Variants in TASP1 observed in about 807,000 individuals in gnomAD.
The protein encoded by TASP1 is taspase 1.
A neutral mutation model predicts 56.6 loss-of-function variants in TASP1; 16 were observed. That is an observed-to-expected ratio of 0.28 (90% CI 0.19 to 0.43). The LOEUF (loss-of-function observed/expected upper bound fraction) is 0.43. Ranked by LOEUF, TASP1 falls within the 20% of genes least tolerant of loss-of-function variation. TASP1 has a pLI of 1.00. For missense variants in TASP1, 393 were observed against 511.6 expected, an observed-to-expected ratio of 0.77 and a Z score of 2.24; for synonymous variants, 179 against 184.2, an observed-to-expected ratio of 0.97 and a Z score of 0.23.
the TASP1 span, among the ~76,000 whole-genome samples, chr20:13,278,246 C>T: frequency 5.3e-5 from 8 of 152,284 alleles, no homozygotes; most frequent in Non-Finnish European, 7.4e-5. Flanking sequence ...CTTCCAGCCC[C>T]GTGACAGACT....
chr20:13,409,888 T>G (rs1023651920), intron 13 of TASP1, among the ~76,000 whole-genome samples: 10 of 152,188 alleles, frequency 6.6e-5, no homozygotes, highest in Non-Finnish European at 1.5e-5. Flanking sequence ...TGTGGTTAAC[T>G]ATAGTCAACT....
chr20:13,583,939 C>T (rs761174520), intron 5 of TASP1, among the ~76,000 whole-genome samples: 3 of 152,028 alleles, frequency 2.0e-5, no homozygotes, highest in African/African-American at 4.8e-5. Context: ...ATTAGCCAGG[C>T]GTGGTGGCAC....
the TASP1 span, chr20:13,288,435 C>A: frequency 8.0e-7 from 1 of 1,242,348 alleles, no homozygotes; most frequent in Non-Finnish European, 1.1e-6. Flanking sequence ...GCAATCCCCT[C>A]CCACAGCGAG....
At chr20:13,324,521 T>C in the TASP1 span, among the ~76,000 whole-genome samples, 6 of 152,188 alleles carry the variant, frequency 3.9e-5, no homozygotes, top group Admixed American at 2.6e-4. Context: ...CAGGTCTTAA[T>C]TGTGATTAGA....
chr20:13,632,859 G>A (rs560905696), intron 1 of TASP1, among the ~76,000 whole-genome samples: 1 of 152,220 alleles, frequency 6.6e-6, no homozygotes, highest in African/African-American at 2.4e-5. Context: ...AGGGCAAATA[G>A]ACAAATCTCA....
At chr20:13,538,001 TC>T (rs1388741060) in intron 8 of TASP1, among the ~76,000 whole-genome samples, 1 of 150,222 alleles carries the variant, frequency 6.7e-6, no homozygotes, top group Non-Finnish European at 1.5e-5. Context: ...CATCTATCAG[TC>T]TTTTTTTTTT....
chr20:13,252,394 T>C, the TASP1 span, among the ~76,000 whole-genome samples: 2 of 152,198 alleles, frequency 1.3e-5, no homozygotes. Flanking sequence ...CTGAGATTTA[T>C]CCTTGCTGAT....
At chr20:13,354,262 GA>G in the TASP1 span, among the ~76,000 whole-genome samples, 8 of 152,108 alleles carry the variant, frequency 5.3e-5, no homozygotes, top group African/African-American at 1.9e-4. Context: ...GAGATGTAGA[GA>G]AAAGAAAGAG....
chr20:13,543,584 C>T (rs1483729248), intron 8 of TASP1, among the ~76,000 whole-genome samples: 2 of 152,050 alleles, frequency 1.3e-5, no homozygotes, highest in Non-Finnish European at 2.9e-5. Flanking sequence ...CTGGGTGACC[C>T]AGCGAGACTC....
the TASP1 span, among the ~76,000 whole-genome samples, chr20:13,283,538 A>G: frequency 7.2e-5 from 11 of 152,348 alleles, no homozygotes; most frequent in African/African-American, 2.6e-4. Context: ...ATTACAAAAT[A>G]CACAACAGAA....
the TASP1 span, among the ~76,000 whole-genome samples, chr20:13,207,598 G>A: frequency 6.6e-6 from 1 of 152,234 alleles, no homozygotes; most frequent in Non-Finnish European, 1.5e-5. Context: ...GTACGTCCCA[G>A]TTAAGGGTAG....
At chr20:13,228,670 A>G in the TASP1 span, among the ~76,000 whole-genome samples, 1 of 152,100 alleles carries the variant, frequency 6.6e-6, no homozygotes, top group African/African-American at 2.4e-5. Flanking sequence ...GGACCCTTTC[A>G]TTCTGAAGTC....
chr20:13,559,988 C>T (rs6079106), intron 7 of TASP1, among the ~76,000 whole-genome samples: 1 of 151,916 alleles, frequency 6.6e-6, no homozygotes, highest in Non-Finnish European at 1.5e-5. Flanking sequence ...CACGTTTATG[C>T]TCAGAGAAAG....
chr20:13,254,058 TA>T, the TASP1 span, among the ~76,000 whole-genome samples: 31,270 of 116,040 alleles, frequency 0.27, 3,971 homozygotes, highest in East Asian at 0.55. Context: ...TCATCTCTAC[TA>T]AAAAAAAAAA....
chr20:13,302,482 C>T, the TASP1 span, among the ~76,000 whole-genome samples: 5 of 152,256 alleles, frequency 3.3e-5, no homozygotes, highest in Admixed American at 6.5e-5. Context: ...GACTAGGAGA[C>T]CCTTATCTCA....
the TASP1 span, among the ~76,000 whole-genome samples, chr20:13,115,997 T>G: frequency 1.3e-5 from 2 of 152,168 alleles, no homozygotes; most frequent in Non-Finnish European, 2.9e-5. Flanking sequence ...TTTAAGAACA[T>G]GTTGGAATTA....
At chr20:13,534,619 C>A (rs1401070699) in intron 8 of TASP1, among the ~76,000 whole-genome samples, 1 of 152,134 alleles carries the variant, frequency 6.6e-6, no homozygotes, top group Non-Finnish European at 1.5e-5. Context: ...ATGGCATTTA[C>A]AATCTTAAAG....
the TASP1 span, among the ~76,000 whole-genome samples, chr20:13,170,402 A>G: frequency 6.6e-6 from 1 of 152,222 alleles, no homozygotes; most frequent in Non-Finnish European, 1.5e-5. Context: ...CATTTGGAAA[A>G]GGTTGATTCC....
chr20:13,343,373 G>A, the TASP1 span, among the ~76,000 whole-genome samples: 1 of 152,210 alleles, frequency 6.6e-6, no homozygotes, highest in Non-Finnish European at 1.5e-5. Context: ...CCAGGTACTT[G>A]GTTTTTGGCT....
Sources: allele counts gnomAD v4.1 joint callset (sites outside exome capture counted in the v4.1 genomes callset), GRCh38; gene constraint gnomAD v4.1.1; transcripts MANE v1.5; gene names NCBI Gene and HGNC (gene_info 2026-07-23, HGNC 2026-07-21).